The following RPTOR variants were observed in gnomAD, a reference collection of about 807,000 sequenced individuals.
RPTOR encodes regulatory associated protein of MTOR complex 1, also known as regulatory-associated protein of mTOR.
A neutral mutation model predicts 169.9 loss-of-function variants in RPTOR; 21 were observed. That is an observed-to-expected ratio of 0.12 (90% confidence interval 0.09 to 0.18). The LOEUF is 0.18. RPTOR is among the 10% of genes least tolerant of loss of function. The pLI, the probability that RPTOR is intolerant of heterozygous loss-of-function variation, is 1.00. For synonymous variants in RPTOR, 732 were observed against 753.2 expected, an observed-to-expected ratio of 0.97 and a Z score of 0.46; for missense variants, 1,133 against 1,855.9, an observed-to-expected ratio of 0.61 and a Z score of 7.16.
intron 7 of RPTOR, among the ~76,000 whole-genome samples, chr17:80,818,269 C>T (rs1016785026): frequency 1.3e-5 from 2 of 152,202 alleles, no homozygotes; most frequent in African/African-American, 2.4e-5. Context: ...TTTTCCTGAA[C>T]TGTAGCTTTT....
chr17:80,793,735 C>T lies in RPTOR; in HGVS notation c.890+2226C>T, dbSNP rs148186017. On this transcript the variant is annotated intron_variant, in intron 7 of 33. Transcript: ENST00000306801. Reference sequence around the variant, plus strand: ...TGTTGAGCCACATGAGCTCAGACAGCGCCACAAGCTCCACATCTCTAGAGC... The same window carrying T: ...TGTTGAGCCACATGAGCTCAGACAGTGCCACAAGCTCCACATCTCTAGAGC... Among the ~76,000 whole-genome samples, 15 of 152,316 alleles carry T rather than the reference C, an allele frequency of 9.8e-5. No homozygotes were observed. In the East Asian group the frequency reaches 1.2e-3, roughly 12 times the overall value.
intron 31 of RPTOR, 182 bp downstream of exon 31, chr17:80,961,662 C>A: frequency 1.5e-6 from 1 of 668,714 alleles, no homozygotes; most frequent in Non-Finnish European, 2.4e-6. Flanking sequence ...GGGGCCACAG[C>A]TGCTCCCCTG....
chr17:80,552,915 C>A (rs921460077), intron 1 of RPTOR, among the ~76,000 whole-genome samples: 7 of 152,226 alleles, frequency 4.6e-5, no homozygotes, highest in Non-Finnish European at 1.0e-4. Flanking sequence ...GACCAACATT[C>A]AGCAGACAGA....
chr17:80,602,190 C>CA (rs1311532599), intron 1 of RPTOR, among the ~76,000 whole-genome samples: 3 of 66,184 alleles, frequency 4.5e-5, no homozygotes, highest in Non-Finnish European at 1.0e-4. Flanking sequence ...GCTGGCCGGG[C>CA]GGGGGGCTGA....
chr17:80,841,171 ACCGCACGGCAG>A (rs1567942933), intron 10 of RPTOR, among the ~76,000 whole-genome samples: 2 of 111,022 alleles, frequency 1.8e-5, no homozygotes, highest in African/African-American at 4.2e-5. Flanking sequence ...GCTCACTCTC[ACCGCACGGCAG>A]CTCACACTCA....
chr17:80,745,358 C>G (rs758609869), intron 5 of RPTOR, among the ~76,000 whole-genome samples: 1 of 152,170 alleles, frequency 6.6e-6, no homozygotes, highest in Non-Finnish European at 1.5e-5. Flanking sequence ...GAAGGGCAGG[C>G]TGGAGGCTTC....
At chr17:80,814,743 A>G (rs187197313) in intron 7 of RPTOR, among the ~76,000 whole-genome samples, 1 of 152,326 alleles carries the variant, frequency 6.6e-6, no homozygotes, top group East Asian at 1.9e-4. Context: ...AGCAAGATGA[A>G]GAAAGAATGT....
intron 1 of RPTOR, among the ~76,000 whole-genome samples, chr17:80,595,188 G>A (rs146593945): frequency 2.2e-4 from 34 of 152,184 alleles, no homozygotes; most frequent in Admixed American, 4.6e-4. Flanking sequence ...TTATTAAGTG[G>A]GTTGATTTTG....
intron 9 of RPTOR, among the ~76,000 whole-genome samples, chr17:80,828,283 C>T (rs545636742): frequency 2.0e-5 from 3 of 152,174 alleles, no homozygotes; most frequent in East Asian, 1.9e-4. Flanking sequence ...TGAGACCATG[C>T]GAGGTCTCAG....
At chr17:80,585,721 C>G (rs1301893693) in intron 1 of RPTOR, among the ~76,000 whole-genome samples, 1 of 152,106 alleles carries the variant, frequency 6.6e-6, no homozygotes, top group East Asian at 1.9e-4. Flanking sequence ...CTTGGAGCCA[C>G]TTATATATAG....
intron 24 of RPTOR, among the ~76,000 whole-genome samples, chr17:80,935,827 G>A (rs2068948957): frequency 6.6e-6 from 1 of 151,994 alleles, no homozygotes; most frequent in African/African-American, 2.4e-5. Flanking sequence ...TCTTTAATAA[G>A]ATGCAAAAAG....
chr17:80,594,444 G>A (rs2065130347), intron 1 of RPTOR, among the ~76,000 whole-genome samples: 1 of 152,220 alleles, frequency 6.6e-6, no homozygotes. Context: ...TTCGATACCA[G>A]CGTTTCTACT....
intron 4 of RPTOR, chr17:80,709,009 T>C (rs1374666137): frequency 8.1e-6 from 8 of 985,446 alleles, no homozygotes; most frequent in Non-Finnish European, 9.6e-6. Context: ...GGTTCGCAGC[T>C]AGCATTCGGC....
intron 17 of RPTOR, 63 bp from the exon 18 acceptor site, chr17:80,891,656 AC>A: frequency 5.4e-6 from 6 of 1,119,606 alleles, no homozygotes; most frequent in Non-Finnish European, 8.0e-6. Context: ...CTCAAGTCTC[AC>A]TGCTGCTCCA....
intron 1 of RPTOR, among the ~76,000 whole-genome samples, chr17:80,551,973 A>G (rs2084351566): frequency 6.6e-6 from 1 of 152,208 alleles, no homozygotes; most frequent in South Asian, 2.1e-4. Flanking sequence ...AACAAAGCAC[A>G]TCTTGCACCG....
At chr17:80,926,444 C>G (rs1040847798) in intron 24 of RPTOR, among the ~76,000 whole-genome samples, 5 of 152,208 alleles carry the variant, frequency 3.3e-5, no homozygotes, top group African/African-American at 4.8e-5. Flanking sequence ...AATAGCCGTT[C>G]CCTTTGACCC....
At chr17:80,751,954 A>C (rs2066634908) in intron 5 of RPTOR, among the ~76,000 whole-genome samples, 1 of 152,232 alleles carries the variant, frequency 6.6e-6, no homozygotes. Flanking sequence ...CCCCTACAGC[A>C]GAATGCTTTC....
At chr17:80,705,658 C>A (rs2066137035) in intron 3 of RPTOR, among the ~76,000 whole-genome samples, 1 of 152,076 alleles carries the variant, frequency 6.6e-6, no homozygotes, top group Non-Finnish European at 1.5e-5. Flanking sequence ...ACATCTAATT[C>A]TTTTTCTCTG....
chr17:80,738,860 A>G (rs117934333), intron 5 of RPTOR, among the ~76,000 whole-genome samples: 8,188 of 152,280 alleles, frequency 0.054, 290 homozygotes, highest in Middle Eastern at 0.095. Context: ...TTGATCTTCA[A>G]TTGATTTGTA....
Sources: gnomAD v4.1 joint callset for allele counts (sites outside exome capture counted in the v4.1 genomes callset) on GRCh38, gnomAD v4.1.1 for gene constraint, MANE v1.5 for transcripts, NCBI Gene and HGNC (gene_info 2026-07-23, HGNC 2026-07-21) for gene names.